SLC24A2: variants seen among roughly 807,000 people sequenced by gnomAD.
SLC24A2 encodes sodium/potassium/calcium exchanger 2.
In SLC24A2, 36 loss-of-function variants were observed where a neutral mutation model predicts 62.0. The ratio of observed to expected loss-of-function variants is 0.58; its 90% CI spans 0.44 to 0.77. The LOEUF is 0.77. Among genes scored for constraint, SLC24A2 ranks in the 30% least tolerant of loss-of-function variants. The pLI is 0.00. For missense variants in SLC24A2, 846 were observed against 817.9 expected (o/e 1.03, Z -0.42); for synonymous variants, 358 against 294.0 (o/e 1.22, Z -2.23).
intron 4 of SLC24A2, among the ~76,000 whole-genome samples, chr9:19,607,790 T>TTTCA (rs977587170): frequency 5.3e-5 from 8 of 152,056 alleles, no homozygotes; most frequent in Non-Finnish European, 1.0e-4. Context: ...AAGCCAACCT[T>TTTCA]TTCATTGGAG....
the SLC24A2 span, among the ~76,000 whole-genome samples, chr9:20,184,163 A>G: frequency 6.6e-6 from 1 of 152,254 alleles, no homozygotes; most frequent in Non-Finnish European, 1.5e-5. Context: ...GGTTCATGAA[A>G]AAATGCTCAG....
chr9:19,995,056 C>T, the SLC24A2 span, among the ~76,000 whole-genome samples: 3 of 148,142 alleles, frequency 2.0e-5, no homozygotes, highest in Non-Finnish European at 4.4e-5. Context: ...GATTTAACCC[C>T]TGTGGTAGTT....
At chr9:19,565,172 G>GACT in intron 7 of SLC24A2, among the ~76,000 whole-genome samples, 1 of 152,126 alleles carries the variant, frequency 6.6e-6, no homozygotes, top group Admixed American at 6.5e-5. Context: ...AAGTCAAATT[G>GACT]TCCCTGTTTG....
chr9:19,725,078 G>T (rs1821132428), intron 2 of SLC24A2, among the ~76,000 whole-genome samples: 1 of 152,152 alleles, frequency 6.6e-6, no homozygotes, highest in Admixed American at 6.6e-5. Flanking sequence ...GTACATGCCA[G>T]TGGGGTAATT....
the SLC24A2 span, among the ~76,000 whole-genome samples, chr9:19,869,565 A>C: frequency 3.3e-4 from 50 of 152,212 alleles, 1 homozygote; most frequent in African/African-American, 1.2e-3. Context: ...AAAAATTATA[A>C]TTTCAAAGTT....
At chr9:19,586,865 G>A (rs1472733739) in intron 5 of SLC24A2, among the ~76,000 whole-genome samples, 1 of 152,150 alleles carries the variant, frequency 6.6e-6, no homozygotes, top group East Asian at 1.9e-4. Context: ...TCAGAGGTTT[G>A]CCTTATTCTC....
chr9:19,710,564 AG>A (rs1232136489), intron 2 of SLC24A2, among the ~76,000 whole-genome samples: 1 of 152,222 alleles, frequency 6.6e-6, no homozygotes, highest in Non-Finnish European at 1.5e-5. Flanking sequence ...ACAAATGTTC[AG>A]GTGCTCAACA....
chr9:19,795,114 C>CA, the SLC24A2 span, among the ~76,000 whole-genome samples: 3 of 152,322 alleles, frequency 2.0e-5, no homozygotes, highest in Non-Finnish European at 4.4e-5. Flanking sequence ...AGGAATGTCA[C>CA]TATTTTCCCA....
At chr9:19,607,840 G>T (rs1290510679) in intron 4 of SLC24A2, among the ~76,000 whole-genome samples, 1 of 151,994 alleles carries the variant, frequency 6.6e-6, no homozygotes, top group African/African-American at 2.4e-5. Context: ...CTCAAAAGCA[G>T]TTTATTTCAG....
At chr9:20,089,986 A>C in the SLC24A2 span, among the ~76,000 whole-genome samples, 1 of 152,190 alleles carries the variant, frequency 6.6e-6, no homozygotes, top group African/African-American at 2.4e-5. Context: ...CCAAGGAGGA[A>C]CAAAAAGCCC....
chr9:19,804,435 C>G, the SLC24A2 span, among the ~76,000 whole-genome samples: 357 of 151,986 alleles, frequency 2.3e-3, 1 homozygote, highest in African/African-American at 8.3e-3. Context: ...AATTGCTTTC[C>G]TAATTTCAGT....
At chr9:19,521,289 T>G (rs559946195) in intron 9 of SLC24A2, among the ~76,000 whole-genome samples, 1 of 152,098 alleles carries the variant, frequency 6.6e-6, no homozygotes, top group Non-Finnish European at 1.5e-5. Flanking sequence ...ACAGATAATC[T>G]CAAAAAAGAG....
the SLC24A2 span, among the ~76,000 whole-genome samples, chr9:20,175,120 G>T: frequency 2.2e-4 from 33 of 151,938 alleles, no homozygotes; most frequent in Non-Finnish European, 3.8e-4. Context: ...TATTCTAAGT[G>T]AAGTAATTCA....
the SLC24A2 span, among the ~76,000 whole-genome samples, chr9:19,883,690 T>C: frequency 1.2e-3 from 180 of 152,106 alleles, 5 homozygotes; most frequent in South Asian, 0.017. Flanking sequence ...CTCGGCCTCC[T>C]GAGTAGCTGG....
chr9:20,274,432 T>G, the SLC24A2 span, among the ~76,000 whole-genome samples: 1 of 152,188 alleles, frequency 6.6e-6, no homozygotes, highest in Non-Finnish European at 1.5e-5. Flanking sequence ...CAAAAAAGTG[T>G]CCTGATCCAA....
chr9:19,673,916 C>T (rs1410593152), intron 2 of SLC24A2, among the ~76,000 whole-genome samples: 3 of 152,052 alleles, frequency 2.0e-5, no homozygotes, highest in Non-Finnish European at 4.4e-5. Flanking sequence ...TATTTGATGC[C>T]TGAATATCTT....
the SLC24A2 span, among the ~76,000 whole-genome samples, chr9:20,011,207 C>T: frequency 5.1e-4 from 78 of 152,234 alleles, 1 homozygote; most frequent in East Asian, 0.014. Flanking sequence ...AATGGTTGGA[C>T]TAGTTTACAG....
At chr9:20,072,988 A>AT in the SLC24A2 span, among the ~76,000 whole-genome samples, 2 of 152,230 alleles carry the variant, frequency 1.3e-5, no homozygotes, top group African/African-American at 4.8e-5. Flanking sequence ...ACACAGAGAC[A>AT]TCACACACAG....
chr9:20,208,617 A>C, the SLC24A2 span, among the ~76,000 whole-genome samples: 1 of 152,244 alleles, frequency 6.6e-6, no homozygotes, highest in Non-Finnish European at 1.5e-5. Flanking sequence ...AATGTGGCAT[A>C]TTTAAATGCA....
Sources: gnomAD v4.1 joint callset for allele counts (sites outside exome capture counted in the v4.1 genomes callset) on GRCh38, gnomAD v4.1.1 for gene constraint, MANE v1.5 for transcripts, NCBI Gene and HGNC (gene_info 2026-07-23, HGNC 2026-07-21) for gene names.